The following TASP1 variants were observed in gnomAD, a reference collection of about 807,000 sequenced individuals.
TASP1 encodes the protein taspase 1, also known as threonine aspartase 1.
Under a neutral mutation model 56.6 loss-of-function variants are expected in TASP1, and 16 were observed. The observed-to-expected ratio is 0.28, with a 90% CI of 0.19 to 0.43. The LOEUF (loss-of-function observed/expected upper bound fraction) is 0.43. Among genes scored for constraint, TASP1 ranks in the 20% least tolerant of loss-of-function variants. The pLI, the probability that TASP1 is intolerant of heterozygous loss-of-function variation, is 1.00. For synonymous variants in TASP1, 179 were observed against 184.2 expected, an observed-to-expected ratio of 0.97 and a Z score of 0.23; for missense variants, 393 against 511.6, an observed-to-expected ratio of 0.77 and a Z score of 2.24.
intron 10 of TASP1, among the ~76,000 whole-genome samples, chr20:13,499,318 T>C (rs537103639): frequency 1.3e-5 from 2 of 152,012 alleles, no homozygotes; most frequent in East Asian, 1.9e-4. Flanking sequence ...ACAGGGAAGA[T>C]TGATGGAGGG....
At chr20:13,193,945 C>T in the TASP1 span, among the ~76,000 whole-genome samples, 5 of 151,708 alleles carry the variant, frequency 3.3e-5, no homozygotes, top group East Asian at 3.9e-4. Flanking sequence ...TACATAACCA[C>T]CTGTAGATGC....
the TASP1 span, among the ~76,000 whole-genome samples, chr20:13,307,395 C>T: frequency 6.7e-4 from 102 of 152,256 alleles, no homozygotes; most frequent in African/African-American, 2.4e-3. Flanking sequence ...TCCATACCAA[C>T]ACCAAGAAAA....
chr20:13,221,682 T>A, the TASP1 span: 2 of 1,092,160 alleles, frequency 1.8e-6, no homozygotes, highest in South Asian at 3.6e-5. Flanking sequence ...GGAGCCGCGC[T>A]GCCGGGCTCC....
chr20:13,556,125 C>G (rs763566258), intron 8 of TASP1, among the ~76,000 whole-genome samples: 1 of 152,154 alleles, frequency 6.6e-6, no homozygotes, highest in Non-Finnish European at 1.5e-5. Context: ...ATTTCCCCAG[C>G]TCTACTCTTT....
chr20:13,123,648 T>C, the TASP1 span, among the ~76,000 whole-genome samples: 1 of 152,144 alleles, frequency 6.6e-6, no homozygotes, highest in Admixed American at 6.5e-5. Context: ...AAGCACTGGC[T>C]TCTCCCTCTC....
intron 10 of TASP1, among the ~76,000 whole-genome samples, chr20:13,507,160 A>C (rs2044163499): frequency 6.6e-6 from 1 of 152,178 alleles, no homozygotes; most frequent in Admixed American, 6.5e-5. Context: ...AAATAATCCC[A>C]TTTATAATAG....
At chr20:13,445,303 CAA>C (rs545889303) in intron 11 of TASP1, among the ~76,000 whole-genome samples, 76 of 152,230 alleles carry the variant, frequency 5.0e-4, no homozygotes, top group Non-Finnish European at 8.7e-4. Context: ...AGAAATGAGA[CAA>C]GAGATTTCTT....
At chr20:13,105,937 C>T in the TASP1 span, among the ~76,000 whole-genome samples, 22 of 152,280 alleles carry the variant, frequency 1.4e-4, no homozygotes, top group East Asian at 2.7e-3. Context: ...ATTTTAGGAA[C>T]TCTGCCTAAA....
the TASP1 span, among the ~76,000 whole-genome samples, chr20:13,216,679 T>C: frequency 6.6e-6 from 1 of 152,178 alleles, no homozygotes; most frequent in African/African-American, 2.4e-5. Context: ...AAAAGTTTAA[T>C]GGCTTCACAC....
At chr20:13,476,898 G>T (rs965036574) in intron 11 of TASP1, among the ~76,000 whole-genome samples, 7 of 152,010 alleles carry the variant, frequency 4.6e-5, no homozygotes, top group African/African-American at 1.7e-4. Flanking sequence ...ATTTTCTTAG[G>T]AATCCCTCAA....
chr20:13,193,050 G>A, the TASP1 span, among the ~76,000 whole-genome samples: 1 of 152,070 alleles, frequency 6.6e-6, no homozygotes, highest in Non-Finnish European at 1.5e-5. Context: ...TAGCTTTCCA[G>A]AAAATGTATA....
intron 4 of TASP1, among the ~76,000 whole-genome samples, chr20:13,600,866 G>A (rs140316444): frequency 6.6e-6 from 1 of 152,232 alleles, no homozygotes; most frequent in East Asian, 1.9e-4. Context: ...TATAAACAAT[G>A]ATACTCCAAC....
intron 8 of TASP1, among the ~76,000 whole-genome samples, chr20:13,540,211 C>A (rs1326905019): frequency 6.6e-6 from 1 of 152,080 alleles, no homozygotes; most frequent in Non-Finnish European, 1.5e-5. Flanking sequence ...TTCATCCTAT[C>A]AAAATACTTA....
the TASP1 span, among the ~76,000 whole-genome samples, chr20:13,204,671 C>G: frequency 6.6e-6 from 1 of 152,048 alleles, no homozygotes; most frequent in Admixed American, 6.6e-5. Flanking sequence ...TCCCAAGTAG[C>G]TGGGATTACA....
chr20:13,626,688 C>T (rs6042261), intron 2 of TASP1, among the ~76,000 whole-genome samples: 39,835 of 151,956 alleles, frequency 0.26, 6,576 homozygotes, highest in African/African-American at 0.47. Flanking sequence ...ATTCACAGAG[C>T]CTGTGCCAAT....
At chr20:13,589,768 G>C (rs1346665467) in intron 4 of TASP1, among the ~76,000 whole-genome samples, 1 of 151,918 alleles carries the variant, frequency 6.6e-6, no homozygotes, top group Non-Finnish European at 1.5e-5. Context: ...AAAACAAAAA[G>C]ATGACACAAT....
chr20:13,408,770 G>C (rs182257731), intron 13 of TASP1, among the ~76,000 whole-genome samples: 1 of 152,190 alleles, frequency 6.6e-6, no homozygotes, highest in African/African-American at 2.4e-5. Flanking sequence ...TGCTGCCTCT[G>C]TTGAAATAAA....
chr20:13,137,892 T>C, the TASP1 span, among the ~76,000 whole-genome samples: 1 of 152,122 alleles, frequency 6.6e-6, no homozygotes, highest in East Asian at 1.9e-4. Flanking sequence ...ACTCCAAACA[T>C]AGGTCCCCCT....
rs2041235396 is a variant in TASP1, at chr20:13,390,589, T to C, written c.1171-137A>G. The C allele has an allele frequency of 7.7e-6, 5 of 650,206 alleles. No individual in the cohort carries two copies. In the Admixed American group the frequency reaches 7.9e-5, roughly 10 times the overall value. The allele number at this position is 650,206 out of a possible 1,614,324, so 40.3% of individuals were successfully genotyped here. On this transcript the variant is annotated intron_variant, in intron 13 of 13. Coordinates refer to ENST00000337743, the MANE Select transcript of TASP1 (RefSeq NM_017714.3). ...TTTGCTTCTGAGCATCCACAGACTG[T>C]ACCACTGGTAAACTTTAGTTACTGA...
Sources: gnomAD v4.1 joint callset for allele counts (sites outside exome capture counted in the v4.1 genomes callset) on GRCh38, gnomAD v4.1.1 for gene constraint, MANE v1.5 for transcripts, NCBI Gene and HGNC (gene_info 2026-07-23, HGNC 2026-07-21) for gene names.